Variants in NECTIN3 observed in about 807,000 individuals in gnomAD.
The protein encoded by NECTIN3 is nectin-3.
NECTIN3 carries 8 observed loss-of-function variants against 49.4 expected under a neutral mutation model. The ratio of observed to expected loss-of-function variants is 0.16; its 90% CI spans 0.10 to 0.29. The LOEUF (loss-of-function observed/expected upper bound fraction) is 0.29. Among genes scored for constraint, NECTIN3 ranks in the 10% least tolerant of loss-of-function variants. The pLI is 1.00. For missense variants in NECTIN3, 581 were observed against 654.6 expected (o/e 0.89, Z 1.23); for synonymous variants, 277 against 241.1 (o/e 1.15, Z -1.38).
chr3:111,119,763 T>C (rs2033864825), intron 3 of NECTIN3, among the ~76,000 whole-genome samples: 1 of 152,232 alleles, frequency 6.6e-6, no homozygotes, highest in African/African-American at 2.4e-5. Context: ...AGATAGCTTA[T>C]AGCAAAGATA....
intron 7 of NECTIN3, among the ~76,000 whole-genome samples, chr3:111,154,830 C>G (rs921023031): frequency 6.6e-6 from 1 of 151,956 alleles, no homozygotes; most frequent in Non-Finnish European, 1.5e-5. Context: ...TTTATTGGAT[C>G]GTTTTCTTAT....
chr3:111,124,604 C>T (rs972752088), intron 4 of NECTIN3, among the ~76,000 whole-genome samples: 1 of 152,076 alleles, frequency 6.6e-6, no homozygotes, highest in Admixed American at 6.6e-5. Flanking sequence ...CTTTTGTTTT[C>T]GTTTTTTAAA....
At chr3:111,109,227 G>T (rs140976136) in intron 1 of NECTIN3, among the ~76,000 whole-genome samples, 1 of 151,998 alleles carries the variant, frequency 6.6e-6, no homozygotes, top group African/African-American at 2.4e-5. Context: ...TCATGCAGAG[G>T]CCTACCAGAT....
chr3:111,179,660 C>T (rs1306549624), intron 7 of NECTIN3, among the ~76,000 whole-genome samples: 2 of 151,924 alleles, frequency 1.3e-5, no homozygotes, highest in African/African-American at 2.4e-5. Flanking sequence ...TTTGGGAGGC[C>T]GAGATGGGCA....
intron 7 of NECTIN3, among the ~76,000 whole-genome samples, chr3:111,184,772 A>T (rs1213193871): frequency 1.3e-5 from 2 of 152,158 alleles, no homozygotes; most frequent in African/African-American, 4.8e-5. Context: ...TCTTAATAAG[A>T]ATTCAGTTAT....
chr3:111,163,635 T>C (rs191516299), intron 7 of NECTIN3, among the ~76,000 whole-genome samples: 8 of 152,342 alleles, frequency 5.3e-5, no homozygotes, highest in Admixed American at 1.3e-4. Context: ...TGGATTGTTA[T>C]ATGTCATTGG....
At chr3:111,124,819 A>G (rs1488537670) in intron 4 of NECTIN3, among the ~76,000 whole-genome samples, 1 of 152,116 alleles carries the variant, frequency 6.6e-6, no homozygotes, top group African/African-American at 2.4e-5. Flanking sequence ...TCAATCTTCT[A>G]TGTACTTACA....
At chr3:111,084,816 G>A (rs775293973) in intron 1 of NECTIN3, among the ~76,000 whole-genome samples, 14 of 152,182 alleles carry the variant, frequency 9.2e-5, no homozygotes, top group African/African-American at 3.4e-4. Context: ...TTGAATGGAA[G>A]ATTGATGTAG....
rs776090448 is a variant in NECTIN3, at chr3:111,077,220, A to G, written c.160+5043A>G. On this transcript the variant is annotated intron_variant, in intron 1 of 5. Transcript: ENST00000485303. Reference sequence around the variant, plus strand: ...AGGAGATTGTTTTTCTTGCAAGACTATTGACTGCCCACCATTCATTCTGCT... The same window carrying G: ...AGGAGATTGTTTTTCTTGCAAGACTGTTGACTGCCCACCATTCATTCTGCT... 1.6e-5 allele frequency: 7 copies of G among 444,980 alleles called. 1 individual carries two copies. The highest frequency in any genetic ancestry group is 9.7e-5 in the South Asian group (6 of 62,108). The allele number at this position is 444,980 out of a possible 1,614,324, so 27.6% of individuals were successfully genotyped here. A position where few individuals can be genotyped will look rare whatever the true frequency, so the allele number is the denominator to read the frequency against.
chr3:111,150,027 G>T (rs1220188869), intron 7 of NECTIN3, among the ~76,000 whole-genome samples: 1 of 151,856 alleles, frequency 6.6e-6, no homozygotes, highest in Non-Finnish European at 1.5e-5. Flanking sequence ...AACATATATA[G>T]TATTTTGAAT....
intron 1 of NECTIN3, among the ~76,000 whole-genome samples, chr3:111,108,397 G>T (rs1451104610): frequency 6.6e-6 from 1 of 151,872 alleles, no homozygotes; most frequent in Non-Finnish European, 1.5e-5. Flanking sequence ...GAACCAATGG[G>T]TCAGTTCCCT....
At chr3:111,100,827 T>C (rs1250977130) in intron 1 of NECTIN3, among the ~76,000 whole-genome samples, 2 of 151,214 alleles carry the variant, frequency 1.3e-5, no homozygotes, top group Non-Finnish European at 2.9e-5. Context: ...ATAATTGTTA[T>C]GAAAACTCTG....
At chr3:111,092,607 G>A (rs981513395) in intron 1 of NECTIN3, among the ~76,000 whole-genome samples, 11 of 131,290 alleles carry the variant, frequency 8.4e-5, no homozygotes, top group African/African-American at 2.5e-4. Context: ...ATTGATAAAT[G>A]TGATGGTTTA....
intron 7 of NECTIN3, among the ~76,000 whole-genome samples, chr3:111,150,833 G>A (rs562579174): frequency 1.3e-5 from 2 of 151,796 alleles, no homozygotes; most frequent in Admixed American, 1.3e-4. Flanking sequence ...TAAAATTTAG[G>A]AGATACTGTT....
At position 111,134,012 on chromosome 3, in the gene NECTIN3, C is replaced by A. The variant is rs779197526; in HGVS notation, c.1447C>A (p.Arg483Ser). Residue 483 changes from arginine (R) to serine (S), a missense_variant, in exon 6 of 6, where the codon CGT becomes AGT. Physicochemically the swap from Arg to Ser is moderately radical, Grantham distance 110. Around this residue, in one of 3 missense-constraint regions of NECTIN3, gnomAD observed 238 missense variants for 244.9 expected, o/e 0.97. Coordinates refer to ENST00000485303, the MANE Select transcript of NECTIN3 (RefSeq NM_015480.3). ...CAAAAATCCAGTGAACAATCTAATA[C>A]GTAAAGACTATTTAGAAGAGCCTGA... Reference protein sequence around the residue: ...ENKNPVNNLIRKDYLEEPEKT... With the variant: ...ENKNPVNNLISKDYLEEPEKT... The A allele has an allele frequency of 3.1e-6, 5 of 1,612,320 alleles. No homozygotes were observed. Among genetic ancestry groups the A allele is most frequent in the East Asian group, 2.2e-5 (1 of 44,870 alleles).
chr3:111,100,650 C>T (rs969680885), intron 1 of NECTIN3, among the ~76,000 whole-genome samples: 4 of 151,968 alleles, frequency 2.6e-5, no homozygotes, highest in African/African-American at 9.7e-5. Context: ...TTTGGGAATA[C>T]ATTTTATTAG....
Position 111,136,987 on chromosome 3 carries a change from CTA to C in NECTIN3, c.*2774_*2775del, listed in dbSNP as rs2034601055. ...TTTGCTAACTCTAATATTGAGGAAA[CTA>C]TTAAGGTTTTCAGTAGTAAGTGTTG... On this transcript the variant is annotated 3_prime_UTR_variant, in exon 6 of 6. Coordinates refer to ENST00000485303, the MANE Select transcript of NECTIN3 (RefSeq NM_015480.3). 3.1e-6 allele frequency: 3 copies of C among 977,472 alleles called. No individual in the cohort carries two copies. The highest frequency in any genetic ancestry group is 3.5e-5 in the African/African-American group (2 of 57,052). The allele number at this position is 977,472 out of a possible 1,614,324, so 60.5% of individuals were successfully genotyped here. A position where few individuals can be genotyped will look rare whatever the true frequency, so the allele number is the denominator to read the frequency against.
At chr3:111,180,128 C>T (rs1041379885) in intron 7 of NECTIN3, among the ~76,000 whole-genome samples, 2 of 152,146 alleles carry the variant, frequency 1.3e-5, no homozygotes, top group Non-Finnish European at 2.9e-5. Context: ...CTAAATACCC[C>T]TATCTTTTAT....
At chr3:111,187,369 C>T (rs2107536250), upstream of NECTIN3, among the ~76,000 whole-genome samples, 1 of 152,304 alleles carries the variant, frequency 6.6e-6, no homozygotes, top group South Asian at 2.1e-4. Context: ...TACCACTACT[C>T]TCCAGCCTGG....
Sources: allele counts gnomAD v4.1 joint callset (sites outside exome capture counted in the v4.1 genomes callset), GRCh38; gene constraint gnomAD v4.1.1; regional missense constraint gnomAD v4.1.1; transcripts MANE v1.5; gene names NCBI Gene and HGNC (gene_info 2026-07-23, HGNC 2026-07-21).